The following TLL2 variants were observed in gnomAD, a reference collection of about 807,000 sequenced individuals.
The protein encoded by TLL2 is tolloid like 2, also known as tolloid-like protein 2.
In TLL2, 106 loss-of-function variants were observed where a neutral mutation model predicts 123.0. That is an observed-to-expected ratio of 0.86 (90% CI 0.74 to 1.01). The LOEUF (loss-of-function observed/expected upper bound fraction) is 1.01, where lower values mean the gene tolerates loss of function less well. Ranked by LOEUF, TLL2 falls within the 50% of genes least tolerant of loss-of-function variation. The probability of loss-of-function intolerance (pLI) is 0.00; values close to 1 mark genes in which losing one functional copy is unlikely to be tolerated. For missense variants in TLL2, 1,332 were observed against 1,336.7 expected (o/e 1.00, Z 0.06); for synonymous variants, 494 against 516.8 (o/e 0.96, Z 0.60).
intron 7 of TLL2, among the ~76,000 whole-genome samples, chr10:96,419,633 AG>A (rs1846599985): frequency 6.6e-6 from 1 of 152,240 alleles, no homozygotes; most frequent in Non-Finnish European, 1.5e-5. Flanking sequence ...GTCTAGGTGC[AG>A]GATAGAGATC....
chr10:96,420,737 T>A (rs947950505), intron 7 of TLL2, among the ~76,000 whole-genome samples: 1 of 152,212 alleles, frequency 6.6e-6, no homozygotes, highest in African/African-American at 2.4e-5. Flanking sequence ...CATTAGGGCA[T>A]GATGGAATGC....
chr10:96,405,227 C>T lies in TLL2; in HGVS notation c.1267+5G>A. The T allele has an allele frequency of 3.1e-6, 5 of 1,613,904 alleles. No individual in the cohort carries two copies. Among genetic ancestry groups the T allele is most frequent in the Non-Finnish European group, 4.2e-6 (5 of 1,179,818 alleles). On this transcript the variant is annotated splice_donor_5th_base_variant and intron_variant, in intron 10 of 20. Transcript: ENST00000357947. ...CTCTCTTAACGGTGTCTAAAGTCAA[C>T]TTACCCAAAAGGGGGGCTTTTCTCC...
intron 2 of TLL2, among the ~76,000 whole-genome samples, chr10:96,476,036 C>A (rs1847241023): frequency 6.6e-6 from 1 of 151,538 alleles, no homozygotes; most frequent in South Asian, 2.1e-4. Context: ...GTCCAATTAA[C>A]CCTCTCTCTT....
In TLL2 at chr10:96,367,404, A is replaced by G. The variant is rs552332167; in HGVS notation, c.*684T>C. On this transcript the variant is annotated 3_prime_UTR_variant, in exon 21 of 21. Coordinates refer to ENST00000357947, the MANE Select transcript of TLL2 (RefSeq NM_012465.4). ...CTGCTGTATTCATAATGGATGCCTT[A>G]GCCCCCACTGCAATTAGGGAGGGGG... 1 of 152,400 alleles carries G rather than the reference A, an allele frequency of 6.6e-6. No individual in the cohort carries two copies. The highest frequency in any genetic ancestry group is 2.4e-5 in the African/African-American group (1 of 41,586). 9.4% of individuals were successfully genotyped at this position (152,400 alleles called of 1,614,324 possible).
Position 96,428,703 on chromosome 10 carries a change from T to C in TLL2, c.566A>G (p.Lys189Arg). The C allele has an allele frequency of 6.2e-7, 1 of 1,614,136 alleles. No individual in the cohort carries two copies. Among genetic ancestry groups the C allele is most frequent in the Middle Eastern group, 1.6e-4 (1 of 6,062 alleles). Residue 189 changes from lysine (K) to arginine (R), a missense_variant, in exon 5 of 21, where the codon AAG becomes AGG. Transcript: ENST00000357947. ...TTCTATGAAGGTCACACAGGTGTGC[T>C]TCTCCCAGTGTCTCATGGCCTGCTT... is the stretch of plus-strand genomic sequence containing the variant. ...IFKQAMRHWE[K>R]HTCVTFIERT...
intron 3 of TLL2, among the ~76,000 whole-genome samples, chr10:96,441,101 G>A (rs1369426112): frequency 6.6e-6 from 1 of 152,214 alleles, no homozygotes; most frequent in Non-Finnish European, 1.5e-5. Flanking sequence ...CTCTGAAAGA[G>A]CAAAGCGGTT....
At chr10:96,424,932 T>A (rs138798154) in intron 5 of TLL2, among the ~76,000 whole-genome samples, 312 of 152,030 alleles carry the variant, frequency 2.1e-3, no homozygotes, top group Middle Eastern at 3.4e-3. Context: ...CTTTCTTCCA[T>A]TTTTTTCTTT....
chr10:96,507,145 A>C (rs1481438815), intron 1 of TLL2, among the ~76,000 whole-genome samples: 1 of 151,878 alleles, frequency 6.6e-6, no homozygotes, highest in Non-Finnish European at 1.5e-5. Flanking sequence ...CTGGCACCCC[A>C]GTGTGAGACC....
intron 2 of TLL2, among the ~76,000 whole-genome samples, chr10:96,474,367 C>T (rs1161216422): frequency 6.6e-6 from 1 of 152,144 alleles, no homozygotes; most frequent in Non-Finnish European, 1.5e-5. Context: ...GGCCATCTCC[C>T]CAAGCTGGGA....
At chr10:96,490,237 T>C (rs1207941577) in intron 1 of TLL2, among the ~76,000 whole-genome samples, 1 of 152,238 alleles carries the variant, frequency 6.6e-6, no homozygotes, top group Non-Finnish European at 1.5e-5. Flanking sequence ...ATGTTTCTGG[T>C]AAGAAAGACT....
chr10:96,496,686 T>C (rs1847479205), intron 1 of TLL2, among the ~76,000 whole-genome samples: 1 of 152,238 alleles, frequency 6.6e-6, no homozygotes, highest in South Asian at 2.1e-4. Flanking sequence ...CAGGGCTCAG[T>C]TGAATCAACA....
At chr10:96,477,273 G>A (rs1273147396) in intron 2 of TLL2, among the ~76,000 whole-genome samples, 1 of 151,558 alleles carries the variant, frequency 6.6e-6, no homozygotes, top group Non-Finnish European at 1.5e-5. Context: ...TATTTCAAAG[G>A]CCTCATTCCT....
chr10:96,380,234 A>T (rs1477093900), intron 16 of TLL2, among the ~76,000 whole-genome samples: 1 of 152,130 alleles, frequency 6.6e-6, no homozygotes, highest in Non-Finnish European at 1.5e-5. Flanking sequence ...ATCCTAAGCC[A>T]ACTTGTTCCT....
rs372379475 is a variant in TLL2, at chr10:96,487,350, C to A, written c.176-6891G>T. The stretch of plus-strand genomic sequence containing the variant: ...CCCCACCTGTCCTCATCCAGAAGAC[C>A]CCACCCTGCAAAACTCAACTCAGCT... On this transcript the variant is annotated intron_variant, in intron 1 of 20. Coordinates refer to ENST00000357947, the MANE Select transcript of TLL2 (RefSeq NM_012465.4). Among the ~76,000 whole-genome samples the A allele has an allele frequency of 2.7e-4, 41 of 152,274 alleles. No homozygotes were observed. The East Asian group carries it at 7.5e-3, about 28-fold the overall frequency.
intron 2 of TLL2, among the ~76,000 whole-genome samples, chr10:96,473,354 C>T (rs1456129389): frequency 2.0e-5 from 3 of 152,108 alleles, no homozygotes; most frequent in African/African-American, 7.2e-5. Flanking sequence ...ACTCAAGAGG[C>T]TGAGGCAGGA....
chr10:96,478,300 C>T lies in TLL2; in HGVS notation c.286+2049G>A, dbSNP rs910111898. On this transcript the variant is annotated intron_variant, in intron 2 of 20. Transcript: ENST00000357947. ...TGGGCCGGCGTCAAGCCAGTGAGAC[C>T]CAAACCGGGGAGACCAAGACTCAAA... Among the ~76,000 whole-genome samples, 26 of 152,340 alleles carry T rather than the reference C, an allele frequency of 1.7e-4. No homozygotes were observed. The Middle Eastern group carries it at 0.014, about 80-fold the overall frequency.
At chr10:96,380,026 C>T (rs544388810) in intron 16 of TLL2, among the ~76,000 whole-genome samples, 11 of 152,246 alleles carry the variant, frequency 7.2e-5, no homozygotes, top group Non-Finnish European at 1.6e-4. Context: ...CCCTTGTGGC[C>T]ATGGGCAGTT....
At chr10:96,430,380 T>C (rs1846725826) in intron 4 of TLL2, among the ~76,000 whole-genome samples, 1 of 152,206 alleles carries the variant, frequency 6.6e-6, no homozygotes, top group Non-Finnish European at 1.5e-5. Flanking sequence ...CAGGAGCAGA[T>C]ATGCTGCCAC....
Position 96,513,831 on chromosome 10 carries a change from G to A in TLL2, c.-146C>T. 1 of 825,586 alleles carries A rather than the reference G, an allele frequency of 1.2e-6. No homozygotes were observed. 51.1% of individuals were successfully genotyped at this position (825,586 alleles called of 1,614,324 possible). ...TGGGCATGGCTCAGGCGCGGAGCAAGCGGAGCGCGGCGCCCCCTGTCTTCG... is the reference window on the plus strand; with the variant it reads ...TGGGCATGGCTCAGGCGCGGAGCAAACGGAGCGCGGCGCCCCCTGTCTTCG... On this transcript the variant is annotated 5_prime_UTR_variant, in exon 1 of 21. Transcript: ENST00000357947.
Sources: allele counts gnomAD v4.1 joint callset (sites outside exome capture counted in the v4.1 genomes callset), GRCh38; gene constraint gnomAD v4.1.1; transcripts MANE v1.5; gene names NCBI Gene and HGNC (gene_info 2026-07-23, HGNC 2026-07-21).